Variants in LIN7A observed in about 807,000 individuals in gnomAD.
LIN7A encodes protein lin-7 homolog A.
A neutral mutation model predicts 29.8 loss-of-function variants in LIN7A; 25 were observed. The observed-to-expected ratio is 0.84, with a 90% CI of 0.61 to 1.17. The LOEUF (loss-of-function observed/expected upper bound fraction) is 1.17. Ranked by LOEUF, LIN7A falls within the 50% of genes most tolerant of loss-of-function variation. The pLI is 0.00. For missense variants in LIN7A, 239 were observed against 287.0 expected (o/e 0.83, Z 1.21); for synonymous variants, 118 against 107.5 (o/e 1.10, Z -0.60).
rs542423797 is a variant in LIN7A at position 80,836,935 on chromosome 12, AT to A, written c.483+8794del. ...GTTTTGGCTGCATGTTTTCACGTAC[AT>A]TTTTTTTTTTTTTCTCATCAAAGAC... On this transcript the variant is annotated intron_variant, in intron 4 of 5. Coordinates refer to ENST00000552864, the MANE Select transcript of LIN7A (RefSeq NM_004664.4). 7.6e-3 allele frequency among the ~76,000 whole-genome samples: 1,082 copies of A among 142,766 alleles called. 9 individuals are homozygous for A. The highest frequency in any genetic ancestry group is 0.017 in the African/African-American group (676 of 39,222). 93.7% of individuals were successfully genotyped at this position (142,766 alleles called of 152,430 possible). A position where few individuals can be genotyped will look rare whatever the true frequency, so the allele number is the denominator to read the frequency against.
intron 4 of LIN7A, among the ~76,000 whole-genome samples, chr12:80,839,926 A>C (rs1263428966): frequency 6.6e-6 from 1 of 152,248 alleles, no homozygotes; most frequent in Non-Finnish European, 1.5e-5. Context: ...ATTTAGTTTT[A>C]ACTGTAAAGC....
intron 1 of LIN7A, among the ~76,000 whole-genome samples, chr12:80,891,857 T>C (rs188114255): frequency 6.6e-6 from 1 of 152,182 alleles, no homozygotes; most frequent in East Asian, 1.9e-4. Flanking sequence ...TAAGAGAGTG[T>C]GGGATATTCA....
chr12:80,804,944 G>A (rs1168344282), intron 5 of LIN7A, among the ~76,000 whole-genome samples: 2 of 151,416 alleles, frequency 1.3e-5, no homozygotes, highest in Non-Finnish European at 2.9e-5. Context: ...TGGACACTTA[G>A]GTTGCTTCTA....
intron 1 of LIN7A, among the ~76,000 whole-genome samples, chr12:80,896,481 A>G (rs1419783007): frequency 6.6e-6 from 1 of 152,240 alleles, no homozygotes. Context: ...TACTTCTATC[A>G]CTGCGATATG....
chr12:80,917,522 T>C (rs1193321415), intron 1 of LIN7A, among the ~76,000 whole-genome samples: 1 of 152,184 alleles, frequency 6.6e-6, no homozygotes, highest in Non-Finnish European at 1.5e-5. Flanking sequence ...ATAAAAATGG[T>C]ATTATAATTT....
At chr12:80,855,788 G>T (rs1873564248) in intron 2 of LIN7A, among the ~76,000 whole-genome samples, 1 of 152,080 alleles carries the variant, frequency 6.6e-6, no homozygotes, top group South Asian at 2.1e-4. Context: ...AATAGAAATA[G>T]AACTTAAGTC....
At position 80,937,823 on chromosome 12, in the gene LIN7A, G is replaced by A. The variant is rs1878333440; in HGVS notation, c.-101C>T. ...AGGAGGGGGAAGGAAGGAAGGTGGT[G>A]GTGGTGGAGAAGAAAGCTTGGGTGG... On this transcript the variant is annotated 5_prime_UTR_variant, in exon 1 of 6. Coordinates refer to ENST00000552864, the MANE Select transcript of LIN7A (RefSeq NM_004664.4). The A allele has an allele frequency of 2.4e-6, 2 of 844,964 alleles. No homozygotes were observed. The highest frequency in any genetic ancestry group is 3.7e-5 in the Admixed American group (1 of 26,920). 52.3% of individuals were successfully genotyped at this position (844,964 alleles called of 1,614,324 possible). A position where few individuals can be genotyped will look rare whatever the true frequency, so the allele number is the denominator to read the frequency against.
At chr12:80,912,543 C>T (rs1417216096) in intron 1 of LIN7A, among the ~76,000 whole-genome samples, 3 of 151,528 alleles carry the variant, frequency 2.0e-5, no homozygotes, top group South Asian at 2.1e-4. Context: ...GGTGAAACCT[C>T]GTCTCTACAA....
chr12:80,871,701 T>C (rs1362180931), intron 2 of LIN7A, among the ~76,000 whole-genome samples: 1 of 151,942 alleles, frequency 6.6e-6, no homozygotes, highest in East Asian at 1.9e-4. Context: ...AATATTTTGC[T>C]TGTAAACTCG....
intron 2 of LIN7A, among the ~76,000 whole-genome samples, chr12:80,862,715 A>G (rs1316392116): frequency 2.0e-5 from 3 of 152,174 alleles, no homozygotes; most frequent in African/African-American, 4.8e-5. Context: ...CACCAAGAAA[A>G]GGCACAACAA....
At position 80,857,946 on chromosome 12, in the gene LIN7A, G is replaced by T. The variant is rs991752488; in HGVS notation, c.202-9624C>A. 2.0e-5 allele frequency among the ~76,000 whole-genome samples: 3 copies of T among 152,230 alleles called. No homozygotes were observed. The South Asian group carries it at 6.2e-4, about 32-fold the overall frequency. On this transcript the variant is annotated intron_variant, in intron 2 of 5. Coordinates refer to ENST00000552864, the MANE Select transcript of LIN7A (RefSeq NM_004664.4). ...AAGGATGGGGAGACCCTCTAGGATG[G>T]TATTCTAGAAACACTTAACAGAGAC...
chr12:80,908,546 G>T (rs1876597960), intron 1 of LIN7A, among the ~76,000 whole-genome samples: 1 of 151,950 alleles, frequency 6.6e-6, no homozygotes, highest in South Asian at 2.1e-4. Context: ...ATGACTTAAG[G>T]TATTGAGACT....
intron 4 of LIN7A, among the ~76,000 whole-genome samples, chr12:80,836,482 G>A (rs1008838058): frequency 6.6e-6 from 1 of 152,006 alleles, no homozygotes; most frequent in Admixed American, 6.6e-5. Flanking sequence ...CATAGTGAAA[G>A]CCTGTTTCTA....
chr12:80,807,148 T>C (rs1871081628), intron 5 of LIN7A, among the ~76,000 whole-genome samples: 1 of 140,214 alleles, frequency 7.1e-6, no homozygotes, highest in Admixed American at 7.7e-5. Flanking sequence ...CTTGGCTCAC[T>C]GCAAGCTCCG....
intron 1 of LIN7A, among the ~76,000 whole-genome samples, chr12:80,896,729 A>G (rs1271107795): frequency 4.6e-5 from 7 of 152,238 alleles, no homozygotes; most frequent in Non-Finnish European, 1.0e-4. Context: ...CTAAATGATC[A>G]TGGGATTTGG....
At chr12:80,933,649 C>T (rs755082623) in intron 1 of LIN7A, among the ~76,000 whole-genome samples, 36 of 152,034 alleles carry the variant, frequency 2.4e-4, no homozygotes, top group Non-Finnish European at 4.9e-4. Context: ...CATATTCTTC[C>T]CTCTCTCACT....
intron 2 of LIN7A, among the ~76,000 whole-genome samples, chr12:80,887,119 TAG>T (rs1875368984): frequency 6.6e-6 from 1 of 152,100 alleles, no homozygotes; most frequent in African/African-American, 2.4e-5. Context: ...TAAGATTCAA[TAG>T]AGTCTTCTTT....
rs1021839762 is a variant in LIN7A at position 80,830,285 on chromosome 12, T to G, written c.483+15445A>C. Among the ~76,000 whole-genome samples the G allele has an allele frequency of 5.3e-5, 8 of 152,192 alleles. No individual in the cohort carries two copies. The South Asian group carries it at 1.7e-3, about 32-fold the overall frequency. The stretch of plus-strand genomic sequence containing the variant: ...GAACTGTGTTATGCCATTTAAACAC[T>G]AAAATAGAAAAACTAAGTAGCTTCT... On this transcript the variant is annotated intron_variant, in intron 4 of 5. Transcript: ENST00000552864.
At chr12:80,835,841 A>G (rs1343088530) in intron 4 of LIN7A, among the ~76,000 whole-genome samples, 1 of 152,184 alleles carries the variant, frequency 6.6e-6, no homozygotes, top group Non-Finnish European at 1.5e-5. Context: ...GAAATGTTGA[A>G]AATATCAATT....
Sources: gnomAD v4.1 joint callset for allele counts (sites outside exome capture counted in the v4.1 genomes callset) on GRCh38, gnomAD v4.1.1 for gene constraint, MANE v1.5 for transcripts, NCBI Gene and HGNC (gene_info 2026-07-23, HGNC 2026-07-21) for gene names.